The following ZSWIM6 variants were observed in gnomAD, a reference collection of about 807,000 sequenced individuals.
ZSWIM6 encodes the protein zinc finger SWIM domain-containing protein 6.
A neutral mutation model predicts 113.2 loss-of-function variants in ZSWIM6; 9 were observed. The ratio of observed to expected loss-of-function variants is 0.08; its 90% CI spans 0.05 to 0.14. ZSWIM6 has a LOEUF of 0.14. ZSWIM6 is among the 10% of genes least tolerant of loss of function. The pLI is 1.00. For synonymous variants in ZSWIM6, 611 were observed against 606.5 expected, an observed-to-expected ratio of 1.01 and a Z score of -0.11; for missense variants, 1,162 against 1,552.2, an observed-to-expected ratio of 0.75 and a Z score of 4.22.
At position 61,531,678 on chromosome 5, in the gene ZSWIM6, A is replaced by C. The variant is rs2112277348; in HGVS notation, c.2198A>C (p.Asp733Ala). The change falls in exon 9 of 14, where the codon GAC becomes GCC. Residue 733 changes from aspartate to alanine, a missense_variant. Coordinates refer to ENST00000252744, the MANE Select transcript of ZSWIM6 (RefSeq NM_020928.2). ...ISKLQEIELDDTLVKIFRKQA... is the reference protein window; with the variant it reads ...ISKLQEIELDATLVKIFRKQA... Reference sequence around the variant, plus strand: ...AAGCTTCAGGAAATTGAATTGGATGACACACTGGTGAAAATTTTTCGCAAG... The same window carrying C: ...AAGCTTCAGGAAATTGAATTGGATGCCACACTGGTGAAAATTTTTCGCAAG... The C allele has an allele frequency of 2.6e-6, 4 of 1,551,732 alleles. No homozygotes were observed. In the South Asian group the frequency reaches 3.6e-5, roughly 14 times the overall value.
chr5:61,492,012 T>C (rs1748192333), intron 3 of ZSWIM6, among the ~76,000 whole-genome samples: 1 of 152,060 alleles, frequency 6.6e-6, no homozygotes, highest in East Asian at 1.9e-4. Flanking sequence ...AAGCATTCTT[T>C]GGTGATTCAC....
intron 1 of ZSWIM6, among the ~76,000 whole-genome samples, chr5:61,413,664 C>T (rs1746190085): frequency 6.6e-6 from 1 of 152,138 alleles, no homozygotes; most frequent in Admixed American, 6.5e-5. Flanking sequence ...TCCTATTTCT[C>T]CACATCCTCT....
chr5:61,348,334 G>GAAAAACCAAAAAACCAAAAAACCA (rs1175271188), intron 1 of ZSWIM6, among the ~76,000 whole-genome samples: 4 of 152,130 alleles, frequency 2.6e-5, no homozygotes, highest in Non-Finnish European at 5.9e-5. Context: ...ATTAAGCTCT[G>GAAAAACCAAAAAACCAAAAAACCA]AAAAACCAAA....
intron 1 of ZSWIM6, among the ~76,000 whole-genome samples, chr5:61,348,547 A>G (rs962212675): frequency 6.6e-6 from 1 of 152,186 alleles, no homozygotes; most frequent in African/African-American, 2.4e-5. Context: ...ATGACAGTCT[A>G]TTTTAGGGTC....
At chr5:61,448,403 T>G (rs539043434) in intron 1 of ZSWIM6, among the ~76,000 whole-genome samples, 1 of 152,358 alleles carries the variant, frequency 6.6e-6, no homozygotes, top group African/African-American at 2.4e-5. Context: ...TCACGTTCTA[T>G]ACAATTGAAC....
At chr5:61,537,609 C>T (rs75392616) in intron 10 of ZSWIM6, among the ~76,000 whole-genome samples, 11 of 151,630 alleles carry the variant, frequency 7.3e-5, no homozygotes, top group African/African-American at 2.7e-4. Flanking sequence ...TACTACTTAA[C>T]TGCCTACCTT....
chr5:61,399,901 T>TA (rs1745910344), intron 1 of ZSWIM6, among the ~76,000 whole-genome samples: 1 of 152,188 alleles, frequency 6.6e-6, no homozygotes, highest in South Asian at 2.1e-4. Context: ...TAATGATTGT[T>TA]ATAACTAAAC....
rs62368681 is a variant in ZSWIM6, at chr5:61,481,247, G to A, written c.1033+8210G>A. 2.2e-4 allele frequency among the ~76,000 whole-genome samples: 33 copies of A among 152,264 alleles called. No homozygotes were observed. In the South Asian group the frequency reaches 3.7e-3, roughly 17 times the overall value. On this transcript the variant is annotated intron_variant, in intron 2 of 13. Transcript: ENST00000252744. ...TGAATAGCTCCATGCACCAGACACAGCATAAGCCAATTATAAACGTGTCTT... is the reference window on the plus strand; with the variant it reads ...TGAATAGCTCCATGCACCAGACACAACATAAGCCAATTATAAACGTGTCTT...
chr5:61,517,919 A>G (rs1219286473), intron 4 of ZSWIM6, among the ~76,000 whole-genome samples: 74 of 144,958 alleles, frequency 5.1e-4, no homozygotes, highest in African/African-American at 1.9e-3. Context: ...AGCATTAGGT[A>G]TATCTCCAAA....
chr5:61,409,726 G>A (rs758812181), intron 1 of ZSWIM6, among the ~76,000 whole-genome samples: 8 of 152,216 alleles, frequency 5.3e-5, no homozygotes, highest in Non-Finnish European at 1.0e-4. Context: ...AGTCAGGAAT[G>A]CAAATTTATT....
intron 5 of ZSWIM6, among the ~76,000 whole-genome samples, chr5:61,522,411 A>T (rs923332906): frequency 6.6e-6 from 1 of 152,324 alleles, no homozygotes; most frequent in East Asian, 1.9e-4. Flanking sequence ...TCAAGACTAC[A>T]TTCTCTATGT....
At chr5:61,333,114 C>T (rs1390429686) in intron 1 of ZSWIM6, among the ~76,000 whole-genome samples, 166 bp downstream of exon 1, 5 of 151,812 alleles carry the variant, frequency 3.3e-5, no homozygotes, top group Non-Finnish European at 5.9e-5. Flanking sequence ...CGCCCATTTC[C>T]TCCCTCCCTT....
chr5:61,538,609 A>G (rs1229597156), intron 10 of ZSWIM6, among the ~76,000 whole-genome samples: 2 of 152,238 alleles, frequency 1.3e-5, no homozygotes, highest in African/African-American at 4.8e-5. Flanking sequence ...GGTGATGAAC[A>G]GTTATTATTA....
chr5:61,523,506 CAA>C (rs1749190576), intron 5 of ZSWIM6, among the ~76,000 whole-genome samples: 1 of 151,884 alleles, frequency 6.6e-6, no homozygotes, highest in South Asian at 2.1e-4. Flanking sequence ...CTTAATTTCC[CAA>C]GTTTTCCTTA....
chr5:61,459,385 T>A (rs1465340857), intron 1 of ZSWIM6, among the ~76,000 whole-genome samples: 3 of 152,214 alleles, frequency 2.0e-5, no homozygotes, highest in African/African-American at 7.2e-5. Flanking sequence ...ATATTATAGA[T>A]GCTTTGCTTT....
intron 2 of ZSWIM6, among the ~76,000 whole-genome samples, chr5:61,486,304 C>G (rs1748020615): frequency 6.6e-6 from 1 of 151,988 alleles, no homozygotes; most frequent in African/African-American, 2.4e-5. Context: ...TTTTTTATGG[C>G]CAAATAGTAT....
chr5:61,431,510 C>G (rs1021033501), intron 1 of ZSWIM6, among the ~76,000 whole-genome samples: 2 of 151,696 alleles, frequency 1.3e-5, no homozygotes, highest in Non-Finnish European at 2.9e-5. Flanking sequence ...CTTTGGGAGA[C>G]CGAGGCAGGC....
At chr5:61,448,447 C>G (rs895575756) in intron 1 of ZSWIM6, among the ~76,000 whole-genome samples, 43 of 152,196 alleles carry the variant, frequency 2.8e-4, no homozygotes, top group African/African-American at 9.9e-4. Flanking sequence ...CCTTCTCATT[C>G]ATTATTTCAT....
intron 1 of ZSWIM6, among the ~76,000 whole-genome samples, chr5:61,466,573 A>AT (rs910471371): frequency 3.3e-5 from 5 of 152,098 alleles, no homozygotes; most frequent in African/African-American, 1.2e-4. Context: ...CAGGGCGCAT[A>AT]TTTTTTTGGA....
Sources: gnomAD v4.1 joint callset for allele counts (sites outside exome capture counted in the v4.1 genomes callset) on GRCh38, gnomAD v4.1.1 for gene constraint, MANE v1.5 for transcripts, NCBI Gene and HGNC (gene_info 2026-07-23, HGNC 2026-07-21) for gene names.